The following SC5D variants were observed in gnomAD, a reference collection of about 807,000 sequenced individuals.
SC5D encodes the protein sterol-C5-desaturase.
A neutral mutation model predicts 23.9 loss-of-function variants in SC5D; 21 were observed. The ratio of observed to expected loss-of-function variants is 0.88; its 90% CI spans 0.62 to 1.26. The LOEUF is 1.26. SC5D is among the 50% of genes most tolerant of loss of function. SC5D has a pLI of 0.00. For missense variants in SC5D, 309 were observed against 364.8 expected, an observed-to-expected ratio of 0.85 and a Z score of 1.25; for synonymous variants, 113 against 125.9, an observed-to-expected ratio of 0.90 and a Z score of 0.68.
chr11:121,304,511 G>C lies in SC5D; in HGVS notation c.343+18G>C, dbSNP rs767410459. On this transcript the variant is annotated intron_variant, in intron 3 of 4. Transcript: ENST00000264027. ...TCCATATGGTAAGTAAATAACACGA[G>C]TGTCAGGAAGAGAGTAGTCTAAGCA... The C allele has an allele frequency of 6.2e-7, 1 of 1,611,476 alleles. No individual in the cohort carries two copies. Among genetic ancestry groups the C allele is most frequent in the African/African-American group, 1.3e-5 (1 of 74,792 alleles).
intron 3 of SC5D, 152 bp from the exon 4 acceptor site, chr11:121,306,234 G>T: frequency 1.5e-6 from 1 of 645,522 alleles, no homozygotes; most frequent in Admixed American, 2.4e-5. Flanking sequence ...AGCCAAGAGA[G>T]ATTAGTTTAT....
intron 2 of SC5D, 95 bp downstream of exon 2, chr11:121,303,680 C>T (rs1382280280): frequency 2.9e-6 from 3 of 1,048,548 alleles, no homozygotes; most frequent in Non-Finnish European, 4.2e-6. Flanking sequence ...TTATATGTAA[C>T]CATTAAATAA....
At chr11:121,293,422 T>G (rs1198145854) in intron 1 of SC5D, among the ~76,000 whole-genome samples, 1 of 152,130 alleles carries the variant, frequency 6.6e-6, no homozygotes, top group Non-Finnish European at 1.5e-5. Context: ...CTCCTGACCA[T>G]TGCAAGCCTC....
rs1350092275 is a variant in SC5D at position 121,310,482 on chromosome 11, A to C, written c.*2970A>C. On this transcript the variant is annotated 3_prime_UTR_variant, in exon 5 of 5. Coordinates refer to ENST00000264027, the MANE Select transcript of SC5D (RefSeq NM_006918.5). ...TTTTTTTTTTTTTTTTTTGAGATGG[A>C]GTCTTGCTCTGTTGCCCCAGGCTGG... Among the ~76,000 whole-genome samples, 4 of 119,452 alleles carry C rather than the reference A, an allele frequency of 3.3e-5. No individual in the cohort carries two copies. Among genetic ancestry groups the C allele is most frequent in the Admixed American group, 9.9e-5 (1 of 10,142 alleles). 78.4% of individuals were successfully genotyped at this position (119,452 alleles called of 152,430 possible).
chr11:121,300,718 G>A (rs1947920449), intron 1 of SC5D, among the ~76,000 whole-genome samples: 2 of 152,160 alleles, frequency 1.3e-5, no homozygotes, highest in South Asian at 4.1e-4. Context: ...CCCAAGAAAG[G>A]GGAGAAGGCC....
At chr11:121,299,055 T>A (rs957716064) in intron 1 of SC5D, among the ~76,000 whole-genome samples, 1 of 152,338 alleles carries the variant, frequency 6.6e-6, no homozygotes, top group African/African-American at 2.4e-5. Flanking sequence ...AGACTTGGGC[T>A]CAGAGGCCTG....
chr11:121,306,101 A>G (rs961010456), intron 3 of SC5D: 8 of 372,798 alleles, frequency 2.1e-5, no homozygotes, highest in Non-Finnish European at 4.0e-5. Flanking sequence ...AGATTTAAAT[A>G]ATAAAGATGT....
chr11:121,306,840 A>G (rs2134270522), intron 4 of SC5D: 1 of 645,084 alleles, frequency 1.6e-6, no homozygotes, highest in Non-Finnish European at 2.8e-6. Context: ...AGACTTCACC[A>G]CTGTGCAGTA....
intron 1 of SC5D, among the ~76,000 whole-genome samples, chr11:121,297,430 T>G (rs1947896993): frequency 6.6e-6 from 1 of 152,228 alleles, no homozygotes; most frequent in African/African-American, 2.4e-5. Flanking sequence ...TGGAAAGCCC[T>G]GTAAAACCAA....
At chr11:121,299,512 A>G (rs1947912071) in intron 1 of SC5D, among the ~76,000 whole-genome samples, 1 of 152,250 alleles carries the variant, frequency 6.6e-6, no homozygotes, top group South Asian at 2.1e-4. Context: ...AATTACATAA[A>G]TTGTTAATAT....
rs566877160 is a variant in SC5D, at chr11:121,313,274, T to C, written c.*5762T>C. Among the ~76,000 whole-genome samples, 1 of 152,354 alleles carries C rather than the reference T, an allele frequency of 6.6e-6. No homozygotes were observed. Among genetic ancestry groups the C allele is most frequent in the African/African-American group, 2.4e-5 (1 of 41,582 alleles). On this transcript the variant is annotated 3_prime_UTR_variant, in exon 5 of 5. Transcript: ENST00000264027. ...AGATATTTGCTGTTGCCTGTGTCTG[T>C]AGCTTTTTGTTTTCATTGCTGAATA...
intron 1 of SC5D, among the ~76,000 whole-genome samples, chr11:121,297,443 A>C (rs1247520573): frequency 6.6e-6 from 1 of 152,224 alleles, no homozygotes; most frequent in Non-Finnish European, 1.5e-5. Flanking sequence ...AAAACCAAAA[A>C]GTTGTTTTCT....
chr11:121,304,973 G>T (rs564522734), intron 3 of SC5D: 1 of 165,194 alleles, frequency 6.1e-6, no homozygotes, highest in South Asian at 1.6e-4. Context: ...TCTGAATTTT[G>T]TTTCTCTTAG....
rs1453493066 is a variant in SC5D at position 121,304,506 on chromosome 11, C to T, written c.343+13C>T. 1 of 1,612,138 alleles carries T rather than the reference C, an allele frequency of 6.2e-7. No homozygotes were observed. The highest frequency in any genetic ancestry group is 2.2e-5 in the East Asian group (1 of 44,776). On this transcript the variant is annotated intron_variant, in intron 3 of 4. Transcript: ENST00000264027. ...GAGTTTCCATATGGTAAGTAAATAA[C>T]ACGAGTGTCAGGAAGAGAGTAGTCT...
rs886047866 is a variant in SC5D, at chr11:121,310,737, G to A, written c.*3225G>A. Among the ~76,000 whole-genome samples the A allele has an allele frequency of 6.6e-6, 1 of 152,100 alleles. No individual in the cohort carries two copies. Among genetic ancestry groups the A allele is most frequent in the African/African-American group, 2.4e-5 (1 of 41,414 alleles). ...GGCCTCCCAAAGTGCTGGGATTATA[G>A]GTGTGAGCCACCATGCCCAGCCCCT... On this transcript the variant is annotated 3_prime_UTR_variant, in exon 5 of 5. Coordinates refer to ENST00000264027, the MANE Select transcript of SC5D (RefSeq NM_006918.5).
chr11:121,310,987 T>G lies in SC5D; in HGVS notation c.*3475T>G, dbSNP rs1404104849. Among the ~76,000 whole-genome samples, 1 of 152,258 alleles carries G rather than the reference T, an allele frequency of 6.6e-6. No homozygotes were observed. Among genetic ancestry groups the G allele is most frequent in the Non-Finnish European group, 1.5e-5 (1 of 68,050 alleles). On this transcript the variant is annotated 3_prime_UTR_variant, in exon 5 of 5. Transcript: ENST00000264027. ...GGGGAAGAAATTTGCATTCCTGATC[T>G]TCCCAACTTCTTCAAATTCACAACA...
Position 121,309,512 on chromosome 11 carries a change from A to G in SC5D, c.*2000A>G, listed in dbSNP as rs1020091261. Among the ~76,000 whole-genome samples the G allele has an allele frequency of 6.6e-6, 1 of 152,220 alleles. No homozygotes were observed. The highest frequency in any genetic ancestry group is 2.4e-5 in the African/African-American group (1 of 41,466). ...TTGATGTTGAAATGGTGAATGAGCC[A>G]TAAAGTATTTCAGGTTATCCACACA... On this transcript the variant is annotated 3_prime_UTR_variant, in exon 5 of 5. Coordinates refer to ENST00000264027, the MANE Select transcript of SC5D (RefSeq NM_006918.5).
At chr11:121,302,897 T>C (rs554538114) in intron 1 of SC5D, among the ~76,000 whole-genome samples, 186 of 152,208 alleles carry the variant, frequency 1.2e-3, no homozygotes, top group Non-Finnish European at 2.1e-3. Flanking sequence ...TTAGGGAATT[T>C]ATCTTAGGTG....
intron 1 of SC5D, among the ~76,000 whole-genome samples, chr11:121,301,956 A>G (rs1349626369): frequency 6.6e-6 from 1 of 152,176 alleles, no homozygotes; most frequent in Non-Finnish European, 1.5e-5. Flanking sequence ...AAGGATTCTC[A>G]GGAAACTAAT....
Sources: gnomAD v4.1 joint callset for allele counts (sites outside exome capture counted in the v4.1 genomes callset) on GRCh38, gnomAD v4.1.1 for gene constraint, MANE v1.5 for transcripts, NCBI Gene and HGNC (gene_info 2026-07-23, HGNC 2026-07-21) for gene names.